NOL10: variants seen among roughly 807,000 people sequenced by gnomAD.
NOL10 encodes H_NH0074G24.1.
NOL10 carries 58 observed loss-of-function variants against 103.5 expected under a neutral mutation model. The observed-to-expected ratio is 0.56, with a 90% CI of 0.45 to 0.70. The LOEUF (loss-of-function observed/expected upper bound fraction) is 0.70, where lower values mean the gene tolerates loss of function less well. NOL10 is among the 30% of genes least tolerant of loss of function. NOL10 has a pLI of 0.00. For missense variants in NOL10, 763 were observed against 807.3 expected (o/e 0.95, Z 0.67); for synonymous variants, 287 against 282.5 (o/e 1.02, Z -0.16).
At chr2:10,574,904 T>C (rs1424115510) in intron 20 of NOL10, among the ~76,000 whole-genome samples, 3 of 152,206 alleles carry the variant, frequency 2.0e-5, no homozygotes, top group African/African-American at 7.2e-5. Flanking sequence ...CAAGAGGAGC[T>C]TGTAAGCAGT....
At chr2:10,662,849 G>T in intron 9 of NOL10, 110 bp downstream of exon 9, 1 of 832,050 alleles carries the variant, frequency 1.2e-6, no homozygotes, top group East Asian at 2.7e-5. Context: ...AAACAATCAT[G>T]GAAAGTACAA....
chr2:10,572,278 C>A, intron 20 of NOL10, 88 bp from the exon 21 acceptor site: 1 of 1,400,790 alleles, frequency 7.1e-7, no homozygotes, highest in Non-Finnish European at 1.0e-6. Flanking sequence ...ACAGTACCAC[C>A]ACCAATCTCA....
At chr2:10,660,701 G>A (rs1680140416) in intron 9 of NOL10, among the ~76,000 whole-genome samples, 1 of 152,100 alleles carries the variant, frequency 6.6e-6, no homozygotes, top group Non-Finnish European at 1.5e-5. Flanking sequence ...GGATAGTGCT[G>A]ACAAGGTCAC....
intron 12 of NOL10, 62 bp from the exon 13 acceptor site, chr2:10,644,434 T>C (rs1324926034): frequency 8.1e-7 from 1 of 1,238,834 alleles, no homozygotes; most frequent in African/African-American, 1.6e-5. Flanking sequence ...CTTTTCTATT[T>C]GCTTTCCATT....
chr2:10,611,245 T>C (rs1443485579), intron 13 of NOL10, among the ~76,000 whole-genome samples: 1 of 152,234 alleles, frequency 6.6e-6, no homozygotes, highest in Non-Finnish European at 1.5e-5. Context: ...TTCTATAAAA[T>C]ATGAATCTTT....
intron 1 of NOL10, 134 bp downstream of exon 1, chr2:10,689,662 T>C (rs1682486452): frequency 1.2e-6 from 1 of 863,114 alleles, no homozygotes; most frequent in Middle Eastern, 3.6e-4. Flanking sequence ...GTCAGCCGCC[T>C]CTGGGCCTCC....
intron 16 of NOL10, among the ~76,000 whole-genome samples, chr2:10,602,528 TC>T (rs1371902039): frequency 2.2e-4 from 34 of 152,302 alleles, no homozygotes; most frequent in African/African-American, 7.9e-4. Context: ...ACAATATCAA[TC>T]ATTCTAGCAT....
chr2:10,654,150 T>C (rs1679669861), intron 12 of NOL10, among the ~76,000 whole-genome samples: 1 of 152,084 alleles, frequency 6.6e-6, no homozygotes. Context: ...CTATTACTAA[T>C]CACATAAAAG....
chr2:10,674,516 G>T (rs745557242), intron 4 of NOL10, among the ~76,000 whole-genome samples: 3 of 152,112 alleles, frequency 2.0e-5, no homozygotes. Context: ...TATGGCAAAG[G>T]GGAGATTTAT....
chr2:10,653,191 A>G (rs1679595824), intron 12 of NOL10, among the ~76,000 whole-genome samples: 1 of 149,384 alleles, frequency 6.7e-6, no homozygotes, highest in Non-Finnish European at 1.5e-5. Context: ...CGAGACTCCA[A>G]CTCAAAAAAA....
chr2:10,636,950 C>G (rs972104646), intron 13 of NOL10, among the ~76,000 whole-genome samples: 1 of 152,038 alleles, frequency 6.6e-6, no homozygotes, highest in African/African-American at 2.4e-5. Flanking sequence ...GCCTGTAATC[C>G]TAGCACCTTG....
intron 3 of NOL10, among the ~76,000 whole-genome samples, chr2:10,680,157 G>C (rs761672235): frequency 8.6e-5 from 13 of 151,962 alleles, no homozygotes; most frequent in Non-Finnish European, 1.8e-4. Context: ...AGCACCTGTA[G>C]TCCCAGCTAC....
intron 13 of NOL10, among the ~76,000 whole-genome samples, chr2:10,636,486 T>C (rs1448814840): frequency 6.8e-6 from 1 of 147,078 alleles, no homozygotes. Context: ...CATATACCTG[T>C]AGTCCCAGAT....
chr2:10,582,278 C>T (rs964041858), intron 19 of NOL10, among the ~76,000 whole-genome samples: 5 of 152,158 alleles, frequency 3.3e-5, no homozygotes, highest in African/African-American at 7.2e-5. Flanking sequence ...CCAAGCTACC[C>T]GGTGAAGAAG....
chr2:10,584,072 A>G (rs188618691), intron 19 of NOL10, among the ~76,000 whole-genome samples: 12 of 152,264 alleles, frequency 7.9e-5, no homozygotes, highest in Admixed American at 7.2e-4. Flanking sequence ...AACCCTTCGC[A>G]TGGCCTGCCT....
At chr2:10,648,049 G>T (rs1679203656) in intron 12 of NOL10, among the ~76,000 whole-genome samples, 1 of 152,148 alleles carries the variant, frequency 6.6e-6, no homozygotes, top group Non-Finnish European at 1.5e-5. Flanking sequence ...GCACACCCAA[G>T]TCATAGAGCC....
In NOL10 at chr2:10,684,198, T is replaced by C. The variant is rs756941479; in HGVS notation, c.112+369A>G. 6.6e-5 allele frequency among the ~76,000 whole-genome samples: 10 copies of C among 150,524 alleles called. 1 individual carries two copies. In the South Asian group the frequency reaches 1.0e-3, roughly 16 times the overall value. Reference sequence around the variant, plus strand: ...GGCTGAGGCAGGAGAACTGCTTGAATCCAGGAGGTGGAGGTTGCAGTGAGC... The same window carrying C: ...GGCTGAGGCAGGAGAACTGCTTGAACCCAGGAGGTGGAGGTTGCAGTGAGC... On this transcript the variant is annotated intron_variant, in intron 2 of 20. Transcript: ENST00000381685.
At chr2:10,614,376 AC>A (rs1676728369) in intron 13 of NOL10, among the ~76,000 whole-genome samples, 2 of 152,158 alleles carry the variant, frequency 1.3e-5, no homozygotes, top group Admixed American at 1.3e-4. Flanking sequence ...CAGTGGTATG[AC>A]CATAGCTCAC....
rs541117844 is a variant in NOL10 at position 10,671,002 on chromosome 2, CAAATT to C, written c.464+547_464+551del. ...AATGCTTTTGTCATTTCATGCAAATCAAATTAAATCAAACTATCAAATTACCAAAA... is the reference window on the plus strand; with the variant it reads ...AATGCTTTTGTCATTTCATGCAAATCAAATCAAACTATCAAATTACCAAAA... On this transcript the variant is annotated intron_variant, in intron 6 of 20. Transcript: ENST00000381685. Among the ~76,000 whole-genome samples, 65 of 152,230 alleles carry C rather than the reference CAAATT, an allele frequency of 4.3e-4. No homozygotes were observed. In the East Asian group the frequency reaches 0.012, roughly 28 times the overall value.
Sources: gnomAD v4.1 joint callset for allele counts (sites outside exome capture counted in the v4.1 genomes callset) on GRCh38, gnomAD v4.1.1 for gene constraint, MANE v1.5 for transcripts, NCBI Gene and HGNC (gene_info 2026-07-23, HGNC 2026-07-21) for gene names.